IL1RAPL2: variants seen among roughly 807,000 people sequenced by gnomAD.
IL1RAPL2 encodes the protein interleukin 1 receptor accessory protein like 2.
IL1RAPL2 carries 3 observed loss-of-function variants against 44.1 expected under a neutral mutation model. The ratio of observed to expected loss-of-function variants is 0.07; its 90% confidence interval spans 0.03 to 0.18. IL1RAPL2 has a LOEUF of 0.18. Among genes scored for constraint, IL1RAPL2 ranks in the 10% least tolerant of loss-of-function variants. The probability of loss-of-function intolerance (pLI) is 1.00; values close to 1 mark genes in which losing one functional copy is unlikely to be tolerated. For synonymous variants in IL1RAPL2, 181 were observed against 178.8 expected (o/e 1.01, Z -0.10); for missense variants, 391 against 496.4 (o/e 0.79, Z 2.02).
chrX:105,325,576 T>TATATATATATATAC (rs61264130), intron 5 of IL1RAPL2, among the ~76,000 whole-genome samples: 9 of 93,719 alleles, frequency 9.6e-5, no homozygotes, highest in African/African-American at 3.7e-4. Context: ...TATATATATA[T>TATATATATATATAC]ACACATATGT....
chrX:104,693,563 C>T (rs1022804232), intron 2 of IL1RAPL2, among the ~76,000 whole-genome samples: 6 of 111,771 alleles, frequency 5.4e-5, no homozygotes, highest in East Asian at 2.8e-4. Context: ...TTTGCAGAAA[C>T]GGACTGCCAC....
chrX:105,088,802 T>A (rs2032508141), intron 2 of IL1RAPL2, among the ~76,000 whole-genome samples: 1 of 111,308 alleles, frequency 9.0e-6, no homozygotes, highest in Admixed American at 9.6e-5. Flanking sequence ...TTATTGCTAA[T>A]CTTAAATCCT....
At chrX:105,686,114 G>T (rs1435511564) in intron 6 of IL1RAPL2, among the ~76,000 whole-genome samples, 1 of 110,829 alleles carries the variant, frequency 9.0e-6, no homozygotes, top group Non-Finnish European at 1.9e-5. Context: ...AAATTGTAAA[G>T]ACCATCGATG....
At chrX:105,761,576 T>C (rs991853924) in intron 10 of IL1RAPL2, among the ~76,000 whole-genome samples, 2 of 111,715 alleles carry the variant, frequency 1.8e-5, no homozygotes, top group African/African-American at 6.5e-5. Context: ...TGATTTTAGG[T>C]CTTGATATAT....
At chrX:105,489,519 A>G (rs766757504) in intron 6 of IL1RAPL2, among the ~76,000 whole-genome samples, 1 of 110,893 alleles carries the variant, frequency 9.0e-6, no homozygotes, top group South Asian at 3.8e-4. Context: ...ACTGTAACAC[A>G]CTCCTGGAAG....
At chrX:104,806,224 G>A (rs1932921700) in intron 2 of IL1RAPL2, among the ~76,000 whole-genome samples, 1 of 112,260 alleles carries the variant, frequency 8.9e-6, no homozygotes, top group Admixed American at 9.5e-5. Flanking sequence ...TGGGAATTCT[G>A]TTTAAGCTTT....
chrX:105,073,065 T>G (rs1390143113), intron 2 of IL1RAPL2, among the ~76,000 whole-genome samples: 1 of 107,106 alleles, frequency 9.3e-6, no homozygotes, highest in Non-Finnish European at 1.9e-5. Flanking sequence ...TTATTATGCT[T>G]TAAGTTTTAG....
chrX:105,245,820 C>T (rs1032433185), intron 4 of IL1RAPL2, among the ~76,000 whole-genome samples: 1 of 112,393 alleles, frequency 8.9e-6, no homozygotes, highest in African/African-American at 3.2e-5. Context: ...TGATTAGTTA[C>T]CTCAGTTGGT....
In IL1RAPL2 at chrX:104,582,596, T is replaced by TTCTTTTTCTTTCTTTC. The variant is rs1387907561; in HGVS notation, c.-20+15546_-20+15547insCTTTTTCTTTCTTTCT. On this transcript the variant is annotated intron_variant, in intron 1 of 10. Coordinates refer to ENST00000372582, the MANE Select transcript of IL1RAPL2 (RefSeq NM_017416.2). ...TCTTTCTTTTTCTTTCTTTCTTTCT[T>TTCTTTTTCTTTCTTTC]TTTCTTTCTTTCTTTCTTTCTTTCT... 3.1e-3 allele frequency among the ~76,000 whole-genome samples: 164 copies of TTCTTTTTCTTTCTTTC among 52,187 alleles called. 2 individuals carry two copies. The highest frequency in any genetic ancestry group is 7.3e-3 in the East Asian group (10 of 1,374). 45.3% of individuals were successfully genotyped at this position (52,187 alleles called of 115,157 possible). A position where few individuals can be genotyped will look rare whatever the true frequency, so the allele number is the denominator to read the frequency against.
chrX:104,698,426 G>C (rs1446444206), intron 2 of IL1RAPL2, among the ~76,000 whole-genome samples: 1 of 111,850 alleles, frequency 8.9e-6, no homozygotes, highest in Non-Finnish European at 1.9e-5. Flanking sequence ...ATGTCCTCCT[G>C]TACAGAGATG....
chrX:105,681,015 G>C (rs889248361), intron 6 of IL1RAPL2, among the ~76,000 whole-genome samples: 1 of 111,820 alleles, frequency 8.9e-6, no homozygotes, highest in Non-Finnish European at 1.9e-5. Context: ...TAGATTGCGT[G>C]GGGGGATCCA....
chrX:104,988,075 G>A (rs1168955985), intron 2 of IL1RAPL2, among the ~76,000 whole-genome samples: 2 of 112,268 alleles, frequency 1.8e-5, no homozygotes, highest in Non-Finnish European at 3.8e-5. Flanking sequence ...CTTCCAGAGT[G>A]AAGAATTAAA....
At chrX:105,268,623 G>C (rs906069881) in intron 5 of IL1RAPL2, among the ~76,000 whole-genome samples, 1 of 108,363 alleles carries the variant, frequency 9.2e-6, no homozygotes, top group South Asian at 4.0e-4. Context: ...AAAAAAATTA[G>C]CCAGGCGTGG....
intron 6 of IL1RAPL2, among the ~76,000 whole-genome samples, chrX:105,703,797 G>C (rs1017564352): frequency 8.9e-6 from 1 of 112,063 alleles, no homozygotes; most frequent in African/African-American, 3.2e-5. Context: ...TGATTTCTCT[G>C]TGTAAAGATA....
intron 6 of IL1RAPL2, among the ~76,000 whole-genome samples, chrX:105,602,389 G>GAA (rs1184521630): frequency 3.0e-5 from 3 of 99,554 alleles, no homozygotes; most frequent in Non-Finnish European, 6.2e-5. Context: ...AAACCAGTAA[G>GAA]AAAAAAAAAA....
intron 2 of IL1RAPL2, among the ~76,000 whole-genome samples, chrX:104,789,526 T>C (rs1379941852): frequency 8.9e-6 from 1 of 112,052 alleles, no homozygotes; most frequent in Non-Finnish European, 1.9e-5. Flanking sequence ...GTGGAATATA[T>C]TTGAAAATGG....
chrX:104,575,132 T>C (rs987536974), intron 1 of IL1RAPL2, among the ~76,000 whole-genome samples: 2 of 111,273 alleles, frequency 1.8e-5, no homozygotes, highest in Admixed American at 9.6e-5. Flanking sequence ...AAGGAAAGTA[T>C]ATAATAACTA....
intron 2 of IL1RAPL2, among the ~76,000 whole-genome samples, chrX:104,817,658 T>G (rs1464668290): frequency 8.9e-6 from 1 of 111,859 alleles, no homozygotes; most frequent in African/African-American, 3.2e-5. Context: ...GATGTATGAC[T>G]TCAGGCAAGT....
chrX:105,503,456 T>A (rs775871311), intron 6 of IL1RAPL2, among the ~76,000 whole-genome samples: 1 of 111,307 alleles, frequency 9.0e-6, no homozygotes, highest in Non-Finnish European at 1.9e-5. Context: ...GTTCTCTAAA[T>A]AAGAGAAAAA....
Sources: gnomAD v4.1 joint callset for allele counts (sites outside exome capture counted in the v4.1 genomes callset) on GRCh38, gnomAD v4.1.1 for gene constraint, MANE v1.5 for transcripts, NCBI Gene and HGNC (gene_info 2026-07-23, HGNC 2026-07-21) for gene names.